LRPPRC: variants seen among roughly 807,000 people sequenced by gnomAD.
LRPPRC encodes the protein leucine rich pentatricopeptide repeat containing.
In LRPPRC, 120 loss-of-function variants were observed where a neutral mutation model predicts 180.3. That is an observed-to-expected ratio of 0.67 (90% CI 0.57 to 0.77). LRPPRC has a LOEUF of 0.77. Ranked by LOEUF, LRPPRC falls within the 30% of genes least tolerant of loss-of-function variation. LRPPRC has a pLI of 0.00. For synonymous variants in LRPPRC, 723 were observed against 600.0 expected, an observed-to-expected ratio of 1.21 and a Z score of -3.00; for missense variants, 2,012 against 1,657.2, an observed-to-expected ratio of 1.21 and a Z score of -3.72.
intron 31 of LRPPRC, 149 bp downstream of exon 31, chr2:43,905,543 A>T: frequency 2.8e-6 from 2 of 713,718 alleles, no homozygotes; most frequent in South Asian, 2.9e-5. Context: ...ATGCATGTAC[A>T]GTAATTTATG....
rs560017245 is a variant in LRPPRC at position 43,887,571 on chromosome 2, G to C, written c.*1029C>G. 2 of 152,234 alleles carry C rather than the reference G, an allele frequency of 1.3e-5. No homozygotes were observed. Among genetic ancestry groups the C allele is most frequent in the African/African-American group, 4.8e-5 (2 of 41,528 alleles). The allele number at this position is 152,234 out of a possible 1,614,324, so 9.4% of individuals were successfully genotyped here. ...AATGAACAAGGAATACCCCAAAATG[G>C]GGAGAGTTCTCAAAACATTTTCAAC... On this transcript the variant is annotated 3_prime_UTR_variant, in exon 38 of 38. Coordinates refer to ENST00000260665, the MANE Select transcript of LRPPRC (RefSeq NM_133259.4).
At chr2:43,902,778 A>C (rs1013405778) in intron 31 of LRPPRC, 1 of 152,212 alleles carries the variant, frequency 6.6e-6, no homozygotes, top group Non-Finnish European at 1.5e-5. Context: ...TAATTATAAT[A>C]ATAGTCTTAT....
chr2:43,965,066 A>G (rs1356644024), intron 11 of LRPPRC, among the ~76,000 whole-genome samples: 1 of 152,092 alleles, frequency 6.6e-6, no homozygotes, highest in Non-Finnish European at 1.5e-5. Flanking sequence ...CAGTGGTGTG[A>G]TCTTGGCTCA....
rs746496250 is a variant in LRPPRC, at chr2:43,995,886, G to T, written c.62C>A (p.Pro21Gln). 6.6e-7 allele frequency: 1 copy of T among 1,507,954 alleles called. No homozygotes were observed. Among genetic ancestry groups the T allele is most frequent in the South Asian group, 1.2e-5 (1 of 81,302 alleles). 93.4% of individuals were successfully genotyped at this position (1,507,954 alleles called of 1,614,324 possible). A position where few individuals can be genotyped will look rare whatever the true frequency, so the allele number is the denominator to read the frequency against. Reference protein sequence around the residue: ...LLRAGAAPRLPLSLRLLPGGP... With the variant: ...LLRAGAAPRLQLSLRLLPGGP... ...GCCAGGGAGGAGGCGCAGGGAGAGCGGGAGGCGCGGGGCCGCCCCGGCACG... is the reference window on the plus strand; with the variant it reads ...GCCAGGGAGGAGGCGCAGGGAGAGCTGGAGGCGCGGGGCCGCCCCGGCACG... Residue 21 changes from proline (P) to glutamine (Q), a missense_variant, in exon 1 of 38, where the codon CCG becomes CAG. Physicochemically the swap from Pro to Gln is moderately conservative, Grantham distance 76. Coordinates refer to ENST00000260665, the MANE Select transcript of LRPPRC (RefSeq NM_133259.4).
intron 34 of LRPPRC, 35 bp downstream of exon 34, chr2:43,899,184 C>T (rs142219237): frequency 2.9e-5 from 42 of 1,433,048 alleles, no homozygotes; most frequent in South Asian, 2.4e-4. Context: ...TTGCAAGCCT[C>T]GAGCCCCACT....
chr2:43,897,937 G>C (rs1670743295), intron 34 of LRPPRC, among the ~76,000 whole-genome samples: 1 of 151,220 alleles, frequency 6.6e-6, no homozygotes, highest in East Asian at 1.9e-4. Context: ...ACCCCTAGTA[G>C]GTACTTAGAC....
intron 31 of LRPPRC, 181 bp from the exon 32 acceptor site, chr2:43,901,705 TG>T (rs1670892796): frequency 3.3e-6 from 2 of 604,570 alleles, no homozygotes; most frequent in East Asian, 5.6e-5. Context: ...ATTATTTACT[TG>T]ACTATATAAG....
At chr2:43,939,599 C>A (rs895312412) in intron 23 of LRPPRC, among the ~76,000 whole-genome samples, 4 of 152,164 alleles carry the variant, frequency 2.6e-5, no homozygotes, top group African/African-American at 9.7e-5. Flanking sequence ...TCAAGAGAAA[C>A]CATCATCTTC....
intron 25 of LRPPRC, among the ~76,000 whole-genome samples, chr2:43,930,946 C>A (rs1672065968): frequency 6.6e-6 from 1 of 152,048 alleles, no homozygotes; most frequent in South Asian, 2.1e-4. Context: ...CATTTACCTC[C>A]CAGGAAGACA....
At position 43,918,240 on chromosome 2, in the gene LRPPRC, T is replaced by C. The variant is rs757047447; in HGVS notation, c.3039+16A>G. 7.4e-6 allele frequency: 12 copies of C among 1,612,502 alleles called. No homozygotes were observed. The African/African-American group carries it at 8.0e-5, about 11-fold the overall frequency. On this transcript the variant is annotated intron_variant, in intron 28 of 37. Transcript: ENST00000260665. ...CTGACAACAAAATCTGTTACGATTATGCCAAAAACAATTACCTCAGGTACG... is the reference window on the plus strand; with the variant it reads ...CTGACAACAAAATCTGTTACGATTACGCCAAAAACAATTACCTCAGGTACG...
At chr2:43,972,476 T>C (rs6544722) in intron 11 of LRPPRC, among the ~76,000 whole-genome samples, 31,227 of 152,084 alleles carry the variant, frequency 0.21, 3,956 homozygotes, top group African/African-American at 0.35. Flanking sequence ...AAAATTTTCA[T>C]ACTTGTGTAA....
Position 43,925,978 on chromosome 2 carries a change from T to A in LRPPRC, c.2737-17A>T, listed in dbSNP as rs761738126. 6.7e-7 allele frequency: 1 copy of A among 1,484,454 alleles called. No individual in the cohort carries two copies. Among genetic ancestry groups the A allele is most frequent in the South Asian group, 1.1e-5 (1 of 88,590 alleles). The allele number at this position is 1,484,454 out of a possible 1,614,324, so 92.0% of individuals were successfully genotyped here. On this transcript the variant is annotated splice_polypyrimidine_tract_variant and intron_variant, in intron 25 of 37. Transcript: ENST00000260665. Reference sequence around the variant, plus strand: ...CCCTGGAGTCTGTAAAATAAAATAATCACATAGCACCCAAGGTAAGGCTTC... The same window carrying A: ...CCCTGGAGTCTGTAAAATAAAATAAACACATAGCACCCAAGGTAAGGCTTC...
At chr2:43,972,368 T>C (rs1369640037) in intron 11 of LRPPRC, among the ~76,000 whole-genome samples, 1 of 152,236 alleles carries the variant, frequency 6.6e-6, no homozygotes, top group Admixed American at 6.5e-5. Context: ...AACTCTTTTA[T>C]GTTTACTAAG....
intron 32 of LRPPRC, 105 bp from the exon 33 acceptor site, chr2:43,899,710 G>T: frequency 1.4e-6 from 1 of 726,580 alleles, no homozygotes; most frequent in South Asian, 1.6e-5. Context: ...TAATACTTTA[G>T]GAAAAAAATG....
At position 43,947,879 on chromosome 2, in the gene LRPPRC, T is replaced by G. The variant is rs1006848156; in HGVS notation, c.1921-104A>C. 9.0e-6 allele frequency: 7 copies of G among 778,724 alleles called. No individual in the cohort carries two copies. In the African/African-American group the frequency reaches 1.2e-4, roughly 13 times the overall value. 48.2% of individuals were successfully genotyped at this position (778,724 alleles called of 1,614,324 possible). The stretch of plus-strand genomic sequence containing the variant: ...TAAGTCTCACCTCATATTACTACTT[T>G]TCATCTTTCCAAAATTTTAGACATT... On this transcript the variant is annotated intron_variant, in intron 18 of 37. Coordinates refer to ENST00000260665, the MANE Select transcript of LRPPRC (RefSeq NM_133259.4).
intron 14 of LRPPRC, among the ~76,000 whole-genome samples, chr2:43,954,396 A>G (rs1673021443): frequency 6.6e-6 from 1 of 152,218 alleles, no homozygotes. Context: ...ATTATACATT[A>G]AGATGTCATT....
At chr2:43,889,514 G>C (rs576848319) in intron 37 of LRPPRC, among the ~76,000 whole-genome samples, 25 of 152,190 alleles carry the variant, frequency 1.6e-4, no homozygotes, top group African/African-American at 6.0e-4. Context: ...CTGAAGGTCT[G>C]AGACAGACCT....
chr2:43,924,712 G>A (rs1465495588), intron 27 of LRPPRC, among the ~76,000 whole-genome samples: 1 of 152,170 alleles, frequency 6.6e-6, no homozygotes, highest in African/African-American at 2.4e-5. Context: ...ACATGAATGT[G>A]TTGGTGGTTA....
Position 43,888,607 on chromosome 2 carries a change from G to A in LRPPRC, c.4178C>T (p.Ser1393Phe). 1 of 1,587,902 alleles carries A rather than the reference G, an allele frequency of 6.3e-7. No individual in the cohort carries two copies. The highest frequency in any genetic ancestry group is 8.6e-7 in the Non-Finnish European group (1 of 1,156,426). The change falls in exon 38 of 38, where the codon TCT becomes TTT. Residue 1393 changes from serine (S) to phenylalanine (F), a missense_variant. Ser to Phe is a radical substitution (Grantham distance 155). Coordinates refer to ENST00000260665, the MANE Select transcript of LRPPRC (RefSeq NM_133259.4). ...AQQLRKLREN[S>F]S ...AAGTATCGCCTGGTTATTTCAAGAA[G>A]AGTTTTCCCTCAATTTTCTTAGCTG...
Sources: allele counts gnomAD v4.1 joint callset (sites outside exome capture counted in the v4.1 genomes callset), GRCh38; gene constraint gnomAD v4.1.1; transcripts MANE v1.5; gene names NCBI Gene and HGNC (gene_info 2026-07-23, HGNC 2026-07-21).